GALR1: variants seen among roughly 807,000 people sequenced by gnomAD.
GALR1 encodes galanin receptor 1.
GALR1 carries 11 observed loss-of-function variants against 17.9 expected under a neutral mutation model. The observed-to-expected ratio is 0.62, with a 90% CI of 0.39 to 1.02. GALR1 has a LOEUF of 1.02. Among genes scored for constraint, GALR1 ranks in the 50% least tolerant of loss-of-function variants. The probability of loss-of-function intolerance (pLI) is 0.01; values close to 1 mark genes in which losing one functional copy is unlikely to be tolerated. For synonymous variants in GALR1, 206 were observed against 205.7 expected (o/e 1.00, Z -0.01); for missense variants, 441 against 456.9 (o/e 0.97, Z 0.32).
intron 2 of GALR1, among the ~76,000 whole-genome samples, chr18:77,259,989 A>G (rs1037142222): frequency 1.3e-5 from 2 of 152,030 alleles, no homozygotes; most frequent in African/African-American, 4.8e-5. Context: ...TCATCATTTG[A>G]TTGGTAATGG....
chr18:77,256,933 C>G (rs1175549958), intron 2 of GALR1, among the ~76,000 whole-genome samples: 1 of 152,152 alleles, frequency 6.6e-6, no homozygotes. Flanking sequence ...CAGAAAATAT[C>G]TATATAGCTT....
At chr18:77,253,918 A>G (rs1367304149) in intron 1 of GALR1, 3 of 152,248 alleles carry the variant, frequency 2.0e-5, no homozygotes, top group African/African-American at 7.2e-5. Context: ...CATGGGTGGG[A>G]GGATGAGTCG....
At chr18:77,263,079 GA>G (rs1912867955) in intron 2 of GALR1, among the ~76,000 whole-genome samples, 2 of 152,264 alleles carry the variant, frequency 1.3e-5, no homozygotes, top group African/African-American at 4.8e-5. Flanking sequence ...TTGTCTAAAA[GA>G]AACAATGAAA....
chr18:77,265,262 A>C (rs1481629926), intron 2 of GALR1, among the ~76,000 whole-genome samples: 1 of 152,210 alleles, frequency 6.6e-6, no homozygotes, highest in African/African-American at 2.4e-5. Context: ...TGCAAATCTG[A>C]AATCCAGTGG....
Position 77,275,192 on chromosome 18 carries a change from T to C in GALR1, c.*6290T>C, listed in dbSNP as rs1348612209. The C allele has an allele frequency of 6.6e-6, 1 of 152,302 alleles. No individual in the cohort carries two copies. Among genetic ancestry groups the C allele is most frequent in the Non-Finnish European group, 1.5e-5 (1 of 68,108 alleles). The allele number at this position is 152,302 out of a possible 1,614,324, so 9.4% of individuals were successfully genotyped here. On this transcript the variant is annotated 3_prime_UTR_variant, in exon 3 of 3. Transcript: ENST00000299727. ...GGGGGCCACATCTCTGAGAATTCGTTCCCTGTGGGTGTCTGGGGTGCATCG... is the reference window on the plus strand; with the variant it reads ...GGGGGCCACATCTCTGAGAATTCGTCCCCTGTGGGTGTCTGGGGTGCATCG...
At chr18:77,252,908 C>G (rs866433087) in intron 1 of GALR1, among the ~76,000 whole-genome samples, 1 of 46,310 alleles carries the variant, frequency 2.2e-5, no homozygotes, top group African/African-American at 7.1e-5. Context: ...ACCACCACCA[C>G]CACCACCACC....
rs912537942 is a variant in GALR1, at chr18:77,274,238, C to G, written c.*5336C>G. On this transcript the variant is annotated 3_prime_UTR_variant, in exon 3 of 3. Transcript: ENST00000299727. ...AGGTGTCACATAATGGAGAAAAATG[C>G]AGATGGTCCTGTGGCTGGTGTGAAT... 1 of 151,982 alleles carries G rather than the reference C, an allele frequency of 6.6e-6. No individual in the cohort carries two copies. Among genetic ancestry groups the G allele is most frequent in the South Asian group, 2.1e-4 (1 of 4,816 alleles). The allele number at this position is 151,982 out of a possible 1,614,324, so 9.4% of individuals were successfully genotyped here. A position where few individuals can be genotyped will look rare whatever the true frequency, so the allele number is the denominator to read the frequency against.
chr18:77,268,994 T>G lies in GALR1; in HGVS notation c.*92T>G, dbSNP rs997116601. Reference sequence around the variant, plus strand: ...TGAGCTAGTAAGCGATGCTGCAACTTGTTATCTTAACAAGAATTCAAGTCG... The same window carrying G: ...TGAGCTAGTAAGCGATGCTGCAACTGGTTATCTTAACAAGAATTCAAGTCG... On this transcript the variant is annotated 3_prime_UTR_variant, in exon 3 of 3. Transcript: ENST00000299727. 2.1e-6 allele frequency: 2 copies of G among 936,312 alleles called. No homozygotes were observed. Among genetic ancestry groups the G allele is most frequent in the Non-Finnish European group, 3.3e-6 (2 of 608,696 alleles). The allele number at this position is 936,312 out of a possible 1,614,324, so 58.0% of individuals were successfully genotyped here.
chr18:77,268,761 T>A lies in GALR1; in HGVS notation c.909T>A (p.Tyr303Ter). Residue 303 changes from tyrosine to a stop codon, truncating the protein, a stop_gained, in exon 3 of 3, where the codon TAT becomes TAA. Coordinates refer to ENST00000299727, the MANE Select transcript of GALR1 (RefSeq NM_001480.4). LOFTEE classifies it low-confidence loss of function (END_TRUNC). ...ATTCCTCCGTGAATCCTATCATTTA[T>A]GCATTTCTCTCTGAAAATTTCAGGA... ...YSNSSVNPIIYAFLSENFRKA... is the reference protein window; with the variant it reads ...YSNSSVNPII 1 of 1,614,180 alleles carries A rather than the reference T, an allele frequency of 6.2e-7. No homozygotes were observed. The highest frequency in any genetic ancestry group is 8.5e-7 in the Non-Finnish European group (1 of 1,180,028).
chr18:77,272,990 T>C lies in GALR1; in HGVS notation c.*4088T>C, dbSNP rs900895714. The C allele has an allele frequency of 6.6e-6, 1 of 152,338 alleles. No individual in the cohort carries two copies. The highest frequency in any genetic ancestry group is 2.1e-4 in the South Asian group (1 of 4,826). 9.4% of individuals were successfully genotyped at this position (152,338 alleles called of 1,614,324 possible). A position where few individuals can be genotyped will look rare whatever the true frequency, so the allele number is the denominator to read the frequency against. ...AGAGGTGTCTAAGGAGAGTGTATCGTGTATTGTGATGCATTAGCAGGATGT... is the reference window on the plus strand; with the variant it reads ...AGAGGTGTCTAAGGAGAGTGTATCGCGTATTGTGATGCATTAGCAGGATGT... On this transcript the variant is annotated 3_prime_UTR_variant, in exon 3 of 3. Transcript: ENST00000299727.
rs949052644 is a variant in GALR1 at position 77,277,818 on chromosome 18, C to A, written c.*8916C>A. The A allele has an allele frequency of 6.6e-6, 1 of 152,288 alleles. No individual in the cohort carries two copies. Among genetic ancestry groups the A allele is most frequent in the Non-Finnish European group, 1.5e-5 (1 of 68,022 alleles). The allele number at this position is 152,288 out of a possible 1,614,324, so 9.4% of individuals were successfully genotyped here. On this transcript the variant is annotated 3_prime_UTR_variant, in exon 3 of 3. Transcript: ENST00000299727. ...AATCTAGTCATCCTCCATCATCCTACCTCTGTGTTCTGCATGAAATATAAT... is the reference window on the plus strand; with the variant it reads ...AATCTAGTCATCCTCCATCATCCTAACTCTGTGTTCTGCATGAAATATAAT...
chr18:77,269,131 A>G lies in GALR1; in HGVS notation c.*229A>G, dbSNP rs761040167. 2 of 521,126 alleles carry G rather than the reference A, an allele frequency of 3.8e-6. No homozygotes were observed. Among genetic ancestry groups the G allele is most frequent in the Non-Finnish European group, 6.8e-6 (2 of 295,516 alleles). The allele number at this position is 521,126 out of a possible 1,614,324, so 32.3% of individuals were successfully genotyped here. On this transcript the variant is annotated 3_prime_UTR_variant, in exon 3 of 3. Transcript: ENST00000299727. Reference sequence around the variant, plus strand: ...TTTTAGTTCTAAATTATGTTTCAGAAACAAAAGACAATGCTGTACAGTTTT... The same window carrying G: ...TTTTAGTTCTAAATTATGTTTCAGAGACAAAAGACAATGCTGTACAGTTTT...
intron 1 of GALR1, among the ~76,000 whole-genome samples, chr18:77,255,747 C>T (rs1912573186): frequency 6.6e-6 from 1 of 152,188 alleles, no homozygotes; most frequent in Admixed American, 6.5e-5. Context: ...CATCCAGGAT[C>T]TAACTTTGTG....
rs1913027807 is a variant in GALR1, at chr18:77,269,936, C to G, written c.*1034C>G. ...ACTGAATATACCTGGGGTATCCTAT[C>G]TTGTACAAATGCATGCTTTTTCATT... On this transcript the variant is annotated 3_prime_UTR_variant, in exon 3 of 3. Coordinates refer to ENST00000299727, the MANE Select transcript of GALR1 (RefSeq NM_001480.4). The G allele has an allele frequency of 6.6e-6, 1 of 152,180 alleles. No homozygotes were observed. Among genetic ancestry groups the G allele is most frequent in the African/African-American group, 2.4e-5 (1 of 41,440 alleles). The allele number at this position is 152,180 out of a possible 1,614,324, so 9.4% of individuals were successfully genotyped here. A position where few individuals can be genotyped will look rare whatever the true frequency, so the allele number is the denominator to read the frequency against.
At position 77,250,761 on chromosome 18, in the gene GALR1, C is replaced by G. The variant is rs1912386677; in HGVS notation, c.213C>G (p.Asn71Lys). Residue 71 changes from asparagine (N) to lysine (K), a missense_variant, in exon 1 of 3, where the codon AAC (asparagine) becomes AAG (lysine). Physicochemically the swap from Asn to Lys is moderately conservative, Grantham distance 94. Transcript: ENST00000299727. ...CGGGCAAGCCGCGGAGCACCACCAACCTGTTCATCCTCAACCTGAGCATCG... is the reference window on the plus strand; with the variant it reads ...CGGGCAAGCCGCGGAGCACCACCAAGCTGTTCATCCTCAACCTGAGCATCG... ...SKPGKPRSTT[N>K]LFILNLSIAD... is the part of the protein sequence containing the mutation. 1 of 1,613,996 alleles carries G rather than the reference C, an allele frequency of 6.2e-7. No individual in the cohort carries two copies. The highest frequency in any genetic ancestry group is 8.5e-7 in the Non-Finnish European group (1 of 1,180,002).
Position 77,250,462 on chromosome 18 carries a change from G to T in GALR1, c.-87G>T. 7.5e-7 allele frequency: 1 copy of T among 1,336,292 alleles called. No homozygotes were observed. The highest frequency in any genetic ancestry group is 9.7e-7 in the Non-Finnish European group (1 of 1,030,910). The allele number at this position is 1,336,292 out of a possible 1,614,324, so 82.8% of individuals were successfully genotyped here. ...TAAACTCGCACTCTCCGTGCTTTGC[G>T]CCGGGACCCCTGGCCACCCCCGGCG... On this transcript the variant is annotated 5_prime_UTR_variant, in exon 1 of 3. Coordinates refer to ENST00000299727, the MANE Select transcript of GALR1 (RefSeq NM_001480.4).
chr18:77,255,537 G>A (rs922594242), intron 1 of GALR1, among the ~76,000 whole-genome samples: 1 of 152,212 alleles, frequency 6.6e-6, no homozygotes, highest in Non-Finnish European at 1.5e-5. Context: ...AGCCTGATGG[G>A]AGGTGATTTG....
At chr18:77,259,498 G>A (rs375229836) in intron 2 of GALR1, among the ~76,000 whole-genome samples, 2 of 150,562 alleles carry the variant, frequency 1.3e-5, no homozygotes, top group East Asian at 2.0e-4. Flanking sequence ...GATGGTGGTG[G>A]TGGTGATGGT....
intron 1 of GALR1, among the ~76,000 whole-genome samples, chr18:77,252,841 A>T (rs1912450772): frequency 7.0e-6 from 1 of 142,602 alleles, no homozygotes; most frequent in Admixed American, 7.2e-5. Flanking sequence ...ACGGAGCGAG[A>T]CTCTGTCTCA....
Sources: allele counts gnomAD v4.1 joint callset (sites outside exome capture counted in the v4.1 genomes callset), GRCh38; gene constraint gnomAD v4.1.1; transcripts MANE v1.5; gene names NCBI Gene and HGNC (gene_info 2026-07-23, HGNC 2026-07-21).